Variants in FHIT observed in about 807,000 individuals in gnomAD.
FHIT encodes fragile histidine triad diadenosine triphosphatase.
Under a neutral mutation model 17.9 loss-of-function variants are expected in FHIT, and 19 were observed. That is an observed-to-expected ratio of 1.06 (90% CI 0.74 to 1.56). FHIT has a LOEUF of 1.56. FHIT is among the 40% of genes most tolerant of loss of function. The pLI, the probability that FHIT is intolerant of heterozygous loss-of-function variation, is 0.00. For synonymous variants in FHIT, 81 were observed against 69.7 expected (o/e 1.16, Z -0.81); for missense variants, 248 against 189.2 (o/e 1.31, Z -1.82).
chr3:60,672,011 C>G (rs1553694042), intron 4 of FHIT, among the ~76,000 whole-genome samples: 1 of 151,704 alleles, frequency 6.6e-6, no homozygotes, highest in Non-Finnish European at 1.5e-5. Flanking sequence ...ATGATATGTC[C>G]CTCTTTATCT....
At chr3:60,704,274 G>A (rs1553702923) in intron 4 of FHIT, among the ~76,000 whole-genome samples, 1 of 152,078 alleles carries the variant, frequency 6.6e-6, no homozygotes, top group Non-Finnish European at 1.5e-5. Context: ...CTCCCCTAAA[G>A]TCTTATCAAA....
intron 2 of FHIT, among the ~76,000 whole-genome samples, chr3:61,148,312 C>T (rs1433310503): frequency 6.6e-6 from 1 of 152,042 alleles, no homozygotes; most frequent in African/African-American, 2.4e-5. Flanking sequence ...GAATCTTCCA[C>T]CTAAAACAAA....
intron 2 of FHIT, among the ~76,000 whole-genome samples, chr3:61,139,734 G>A (rs1332373090): frequency 6.6e-6 from 1 of 152,002 alleles, no homozygotes; most frequent in African/African-American, 2.4e-5. Flanking sequence ...GTGAATCTTG[G>A]CTCATGTATA....
intron 5 of FHIT, among the ~76,000 whole-genome samples, chr3:60,192,048 C>T (rs558242308): frequency 3.3e-5 from 5 of 151,862 alleles, no homozygotes; most frequent in South Asian, 2.1e-4. Context: ...ACCAGGAGTT[C>T]GAGACCAGCC....
At chr3:60,491,479 A>G (rs541819558) in intron 5 of FHIT, among the ~76,000 whole-genome samples, 2 of 152,330 alleles carry the variant, frequency 1.3e-5, no homozygotes, top group African/African-American at 4.8e-5. Flanking sequence ...GTCCATCAGA[A>G]TTCTTGGATT....
At chr3:60,561,954 G>GAA (rs2036968494) in intron 4 of FHIT, among the ~76,000 whole-genome samples, 1 of 151,992 alleles carries the variant, frequency 6.6e-6, no homozygotes, top group African/African-American at 2.4e-5. Context: ...GAAACAGAGA[G>GAA]AGAGAGAGAG....
chr3:60,566,204 G>A lies in FHIT; in HGVS notation c.-17-29225C>T, dbSNP rs183884960. ...AAGTGGTCAATTTTGGAATCAGTGC[G>A]GTGCGGTGCTGAGAAGAATGTATAT... is the stretch of plus-strand genomic sequence containing the variant. On this transcript the variant is annotated intron_variant, in intron 4 of 9. Transcript: ENST00000492590. Among the ~76,000 whole-genome samples, 52 of 152,172 alleles carry A rather than the reference G, an allele frequency of 3.4e-4. 1 individual carries two copies. Among genetic ancestry groups the A allele is most frequent in the Middle Eastern group, 6.8e-3 (2 of 294 alleles).
chr3:59,835,910 C>T (rs766114068), intron 8 of FHIT, among the ~76,000 whole-genome samples: 2 of 152,120 alleles, frequency 1.3e-5, no homozygotes, highest in Non-Finnish European at 2.9e-5. Flanking sequence ...AGGGGGAGCC[C>T]TAGTCGCTTA....
intron 4 of FHIT, among the ~76,000 whole-genome samples, chr3:60,693,028 T>C (rs1269967087): frequency 6.6e-6 from 1 of 152,206 alleles, no homozygotes; most frequent in East Asian, 1.9e-4. Flanking sequence ...AAACATCTCA[T>C]TAGTAGAATT....
At chr3:60,345,070 T>C (rs1297957486) in intron 5 of FHIT, among the ~76,000 whole-genome samples, 1 of 152,222 alleles carries the variant, frequency 6.6e-6, no homozygotes. Context: ...TATTTAAGAT[T>C]AGGAACATCC....
At chr3:60,820,255 C>G (rs1291327518) in intron 4 of FHIT, among the ~76,000 whole-genome samples, 1 of 152,158 alleles carries the variant, frequency 6.6e-6, no homozygotes, top group African/African-American at 2.4e-5. Context: ...TTGCGGTTAG[C>G]TGAGATCACA....
At chr3:60,109,727 C>T (rs1704589402) in intron 5 of FHIT, among the ~76,000 whole-genome samples, 2 of 152,034 alleles carry the variant, frequency 1.3e-5, no homozygotes, top group South Asian at 4.2e-4. Context: ...AACTTGAGGC[C>T]CCTGGAAGAC....
At chr3:59,758,490 CT>C (rs1701333194) in intron 8 of FHIT, among the ~76,000 whole-genome samples, 1 of 152,168 alleles carries the variant, frequency 6.6e-6, no homozygotes, top group Non-Finnish European at 1.5e-5. Context: ...CTGCAAACAG[CT>C]TTGAATCTTA....
chr3:60,010,419 T>A lies in FHIT; in HGVS notation c.279+952A>T, dbSNP rs549002099. ...GCTTAGAAGTATTTCCCAGAGATTG[T>A]ATTTTAAAAGTCCCAGAATAGCTGT... On this transcript the variant is annotated intron_variant, in intron 7 of 9. Transcript: ENST00000492590. Among the ~76,000 whole-genome samples, 26 of 152,350 alleles carry A rather than the reference T, an allele frequency of 1.7e-4. 1 individual carries two copies. The South Asian group carries it at 3.9e-3, about 23-fold the overall frequency.
At chr3:60,061,121 T>A (rs1702277264) in intron 5 of FHIT, among the ~76,000 whole-genome samples, 1 of 152,156 alleles carries the variant, frequency 6.6e-6, no homozygotes, top group African/African-American at 2.4e-5. Context: ...GTGCAAATAA[T>A]AGGATGGGGA....
At chr3:61,015,121 C>A (rs2032035961) in intron 3 of FHIT, among the ~76,000 whole-genome samples, 1 of 151,870 alleles carries the variant, frequency 6.6e-6, no homozygotes, top group African/African-American at 2.4e-5. Context: ...TTAACAGTAA[C>A]AATAGACAAA....
intron 5 of FHIT, among the ~76,000 whole-genome samples, chr3:60,084,884 G>A (rs1703433350): frequency 6.6e-6 from 1 of 152,022 alleles, no homozygotes; most frequent in African/African-American, 2.4e-5. Context: ...AATCAGGGAT[G>A]GGTTAGATGT....
chr3:61,118,658 CT>C (rs755649880), intron 2 of FHIT, among the ~76,000 whole-genome samples: 1 of 152,114 alleles, frequency 6.6e-6, no homozygotes, highest in East Asian at 1.9e-4. Context: ...CACTTTGTAA[CT>C]TTGAGCATGT....
intron 5 of FHIT, among the ~76,000 whole-genome samples, chr3:60,396,562 C>T (rs1296794062): frequency 7.2e-5 from 11 of 152,030 alleles, no homozygotes; most frequent in African/African-American, 2.4e-4. Context: ...ATATATTGTA[C>T]GATTCCATTT....
Sources: gnomAD v4.1 joint callset for allele counts (sites outside exome capture counted in the v4.1 genomes callset) on GRCh38, gnomAD v4.1.1 for gene constraint, MANE v1.5 for transcripts, NCBI Gene and HGNC (gene_info 2026-07-23, HGNC 2026-07-21) for gene names.